NDST3: variants seen among roughly 807,000 people sequenced by gnomAD.
NDST3 encodes N-deacetylase and N-sulfotransferase 3, also known as bifunctional heparan sulfate N-deacetylase/N-sulfotransferase 3.
Under a neutral mutation model 96.1 loss-of-function variants are expected in NDST3, and 58 were observed. That is an observed-to-expected ratio of 0.60 (90% CI 0.49 to 0.75). The LOEUF (loss-of-function observed/expected upper bound fraction) is 0.75, where lower values mean the gene tolerates loss of function less well. Ranked by LOEUF, NDST3 falls within the 30% of genes least tolerant of loss-of-function variation. The probability of loss-of-function intolerance (pLI) is 0.00; values close to 1 mark genes in which losing one functional copy is unlikely to be tolerated. For synonymous variants in NDST3, 333 were observed against 359.7 expected, an observed-to-expected ratio of 0.93 and a Z score of 0.84; for missense variants, 788 against 1,034.2, an observed-to-expected ratio of 0.76 and a Z score of 3.27.
intron 2 of NDST3, among the ~76,000 whole-genome samples, chr4:118,081,437 C>G (rs1196433848): frequency 1.3e-5 from 2 of 152,038 alleles, no homozygotes; most frequent in African/African-American, 4.8e-5. Context: ...AGAGAGAGAT[C>G]TGTTGATACA....
chr4:118,167,614 G>T (rs1020447963), intron 6 of NDST3, among the ~76,000 whole-genome samples: 3 of 151,908 alleles, frequency 2.0e-5, no homozygotes, highest in Non-Finnish European at 4.4e-5. Context: ...ACAATTTTGA[G>T]ACAGGAGAAC....
At chr4:118,156,351 A>C (rs1191561211) in intron 6 of NDST3, among the ~76,000 whole-genome samples, 2 of 152,194 alleles carry the variant, frequency 1.3e-5, no homozygotes, top group African/African-American at 4.8e-5. Flanking sequence ...TTCTCATGGT[A>C]CTCAGGCATA....
chr4:118,118,925 G>A (rs1000442890), intron 4 of NDST3, among the ~76,000 whole-genome samples: 1 of 152,098 alleles, frequency 6.6e-6, no homozygotes, highest in African/African-American at 2.4e-5. Flanking sequence ...ACTCTCAATT[G>A]AAGAACTGTA....
intron 2 of NDST3, among the ~76,000 whole-genome samples, chr4:118,090,444 G>GT (rs958509252): frequency 6.6e-6 from 1 of 151,838 alleles, no homozygotes; most frequent in Non-Finnish European, 1.5e-5. Context: ...AGCAATGGGA[G>GT]TTTTTTAATT....
intron 13 of NDST3, among the ~76,000 whole-genome samples, chr4:118,253,900 A>G (rs923742611): frequency 6.6e-6 from 1 of 152,204 alleles, no homozygotes; most frequent in Non-Finnish European, 1.5e-5. Flanking sequence ...TGTTAACTGA[A>G]ACCAAGACAG....
chr4:118,209,495 C>A (rs1378298126), intron 6 of NDST3, among the ~76,000 whole-genome samples: 1 of 152,168 alleles, frequency 6.6e-6, no homozygotes, highest in Non-Finnish European at 1.5e-5. Flanking sequence ...ATTTGTTCAG[C>A]AGCTAAAGTA....
chr4:118,196,306 C>CT (rs954711464), intron 6 of NDST3, among the ~76,000 whole-genome samples: 1 of 152,026 alleles, frequency 6.6e-6, no homozygotes, highest in Non-Finnish European at 1.5e-5. Flanking sequence ...CTGTAGTTTT[C>CT]TTTTTTTGAT....
At chr4:118,249,519 A>G (rs1451144568) in intron 12 of NDST3, among the ~76,000 whole-genome samples, 3 of 152,154 alleles carry the variant, frequency 2.0e-5, no homozygotes, top group Admixed American at 1.3e-4. Flanking sequence ...TTCAAACAAG[A>G]CCATAAACAG....
chr4:118,245,193 A>G (rs567519944), intron 12 of NDST3, among the ~76,000 whole-genome samples: 36 of 152,198 alleles, frequency 2.4e-4, no homozygotes, highest in Non-Finnish European at 4.1e-4. Context: ...TGCCATGAAT[A>G]CATCTGTTCA....
chr4:118,178,753 C>G (rs1269056337), intron 6 of NDST3, among the ~76,000 whole-genome samples: 1 of 152,012 alleles, frequency 6.6e-6, no homozygotes, highest in Non-Finnish European at 1.5e-5. Context: ...TTTGAAGAAT[C>G]ATTATACTGT....
At chr4:118,152,255 G>A (rs1262289655) in intron 6 of NDST3, among the ~76,000 whole-genome samples, 1 of 152,126 alleles carries the variant, frequency 6.6e-6, no homozygotes, top group Non-Finnish European at 1.5e-5. Context: ...TTGTCTTCCT[G>A]TATAGAGACT....
intron 6 of NDST3, among the ~76,000 whole-genome samples, chr4:118,163,813 G>A (rs1218417857): frequency 1.3e-5 from 2 of 151,910 alleles, no homozygotes; most frequent in East Asian, 3.9e-4. Flanking sequence ...ATACATACCA[G>A]TCAGAATGGC....
Position 118,185,950 on chromosome 4 carries a change from G to C in NDST3, c.1540-38541G>C, listed in dbSNP as rs60355085. 5.1e-3 allele frequency among the ~76,000 whole-genome samples: 773 copies of C among 152,244 alleles called. 7 individuals carry two copies. The highest frequency in any genetic ancestry group is 0.018 in the African/African-American group (737 of 41,556). The stretch of plus-strand genomic sequence containing the variant: ...AATTAAGAGGATGACCAAAACTTTA[G>C]TCATTGATGTCACTATTACCATCAT... On this transcript the variant is annotated intron_variant, in intron 6 of 13. Transcript: ENST00000296499.
rs994877206 is a variant in NDST3, at chr4:118,253,564, A to G, written c.2465A>G (p.Lys822Arg). Reference sequence around the variant, plus strand: ...GAAGGTAAAACAAAATGCCTTGGAAAGAGCAAAGGAAGAAAATACCCTCCA... The same window carrying G: ...GAAGGTAAAACAAAATGCCTTGGAAGGAGCAAAGGAAGAAAATACCCTCCA... ...LEEGKTKCLGKSKGRKYPPMD... is the reference protein window; with the variant it reads ...LEEGKTKCLGRSKGRKYPPMD... Residue 822 changes from lysine to arginine, a missense_variant, in exon 13 of 14, where the codon AAG (lysine) becomes AGG (arginine). By Grantham distance (26) the Lys-to-Arg change is conservative (BLOSUM62 2). This residue lies in a region of NDST3 where 64 missense variants were observed against 68.5 expected (regional missense o/e 0.93). Transcript: ENST00000296499. 6 of 1,612,722 alleles carry G rather than the reference A, an allele frequency of 3.7e-6. No homozygotes were observed. The African/African-American group carries it at 8.0e-5, about 22-fold the overall frequency.
chr4:118,133,317 A>G (rs575870399), intron 4 of NDST3, among the ~76,000 whole-genome samples: 4 of 152,316 alleles, frequency 2.6e-5, no homozygotes, highest in South Asian at 4.1e-4. Flanking sequence ...AAGCCTGAGC[A>G]GAGCATGGAT....
At position 118,135,783 on chromosome 4, in the gene NDST3, C is replaced by A. The variant is rs186042899; in HGVS notation, c.1225-2271C>A. ...TGTGCATTTGTAGTCCTAACTACTGCAGGAGGATTGCTTGAGCCCAGGAGG... is the reference window on the plus strand; with the variant it reads ...TGTGCATTTGTAGTCCTAACTACTGAAGGAGGATTGCTTGAGCCCAGGAGG... On this transcript the variant is annotated intron_variant, in intron 4 of 13. Transcript: ENST00000296499. 4.1e-3 allele frequency among the ~76,000 whole-genome samples: 619 copies of A among 152,240 alleles called. 10 individuals are homozygous for A. The highest frequency in any genetic ancestry group is 0.012 in the African/African-American group (512 of 41,540).
chr4:118,229,416 AT>A (rs1740125252), intron 8 of NDST3, among the ~76,000 whole-genome samples: 2 of 152,250 alleles, frequency 1.3e-5, no homozygotes, highest in East Asian at 3.8e-4. Context: ...ACAGATGGTT[AT>A]TTAAATGTGT....
At chr4:118,233,158 A>C in intron 9 of NDST3, 23 bp downstream of exon 9, 1 of 1,596,908 alleles carries the variant, frequency 6.3e-7, no homozygotes, top group Non-Finnish European at 8.6e-7. Context: ...ATTAGTATAA[A>C]TCTAAAAGTA....
chr4:118,100,535 C>A (rs1190430801), intron 2 of NDST3, among the ~76,000 whole-genome samples: 4 of 152,026 alleles, frequency 2.6e-5, no homozygotes, highest in African/African-American at 9.7e-5. Context: ...CTAGTCTTCC[C>A]ATTCCCCTCA....
Sources: allele counts gnomAD v4.1 joint callset (sites outside exome capture counted in the v4.1 genomes callset), GRCh38; gene constraint gnomAD v4.1.1; regional missense constraint gnomAD v4.1.1; transcripts MANE v1.5; gene names NCBI Gene and HGNC (gene_info 2026-07-23, HGNC 2026-07-21).